Variants in SPAG16 observed in about 807,000 individuals in gnomAD.
SPAG16 encodes sperm-associated antigen 16 protein.
In SPAG16, 86 loss-of-function variants were observed where a neutral mutation model predicts 80.4. That is an observed-to-expected ratio of 1.07 (90% CI 0.90 to 1.28). The LOEUF is 1.28. Ranked by LOEUF, SPAG16 falls within the 50% of genes most tolerant of loss-of-function variation. SPAG16 has a pLI of 0.00. For missense variants in SPAG16, 870 were observed against 765.3 expected (o/e 1.14, Z -1.61); for synonymous variants, 294 against 265.9 (o/e 1.11, Z -1.03).
chr2:213,923,344 C>T (rs2078311290), intron 11 of SPAG16, among the ~76,000 whole-genome samples: 1 of 152,172 alleles, frequency 6.6e-6, no homozygotes, highest in South Asian at 2.1e-4. Context: ...CAGGCAGCGT[C>T]GTGTGCCCTG....
chr2:213,395,039 T>C (rs2067962549), intron 9 of SPAG16, among the ~76,000 whole-genome samples: 1 of 152,198 alleles, frequency 6.6e-6, no homozygotes, highest in Non-Finnish European at 1.5e-5. Context: ...TCTCTTATTA[T>C]TCTTTTAATA....
At chr2:213,985,303 T>C (rs916608432) in intron 12 of SPAG16, among the ~76,000 whole-genome samples, 1 of 152,146 alleles carries the variant, frequency 6.6e-6, no homozygotes, top group African/African-American at 2.4e-5. Flanking sequence ...CTAAAAATAG[T>C]TTGAATTTTT....
chr2:214,371,406 C>T (rs1699804665), intron 15 of SPAG16, among the ~76,000 whole-genome samples: 1 of 151,554 alleles, frequency 6.6e-6, no homozygotes, highest in African/African-American at 2.4e-5. Context: ...GTGGCGCAGG[C>T]CTGTAATCCC....
At chr2:214,300,946 CACA>C (rs1330191388) in intron 15 of SPAG16, among the ~76,000 whole-genome samples, 1 of 150,616 alleles carries the variant, frequency 6.6e-6, no homozygotes, top group African/African-American at 2.4e-5. Context: ...CAGGCAAGGA[CACA>C]ACAACAACAA....
intron 10 of SPAG16, among the ~76,000 whole-genome samples, chr2:213,572,987 A>T (rs1057310269): frequency 6.9e-4 from 105 of 152,076 alleles, no homozygotes; most frequent in Non-Finnish European, 1.1e-3. Flanking sequence ...TTCGGGTGGG[A>T]GTGACCCGAT....
At chr2:213,684,268 T>G (rs1402050397) in intron 10 of SPAG16, among the ~76,000 whole-genome samples, 2 of 152,216 alleles carry the variant, frequency 1.3e-5, no homozygotes, top group African/African-American at 4.8e-5. Context: ...CTTGTGTATG[T>G]GCATATTCAT....
intron 15 of SPAG16, among the ~76,000 whole-genome samples, chr2:214,177,999 ATATATATATATATTC>A: frequency 1.5e-5 from 1 of 64,520 alleles, no homozygotes; most frequent in African/African-American, 3.5e-5. Context: ...ATATATATAT[ATATATATATATATTC>A]ATACTTTATT....
chr2:213,312,864 T>C (rs1233151249), intron 4 of SPAG16, among the ~76,000 whole-genome samples: 1 of 151,820 alleles, frequency 6.6e-6, no homozygotes, highest in Non-Finnish European at 1.5e-5. Context: ...AGTTACAACT[T>C]TCTGGGGATG....
intron 10 of SPAG16, among the ~76,000 whole-genome samples, chr2:213,811,209 G>T (rs562929262): frequency 3.9e-5 from 6 of 152,106 alleles, no homozygotes; most frequent in South Asian, 2.1e-4. Context: ...CATTAAGGTT[G>T]GTGTCTAATG....
chr2:214,145,762 C>T (rs1031793762), intron 14 of SPAG16, among the ~76,000 whole-genome samples: 4 of 151,996 alleles, frequency 2.6e-5, no homozygotes, highest in African/African-American at 4.8e-5. Flanking sequence ...TTTTGGGCTT[C>T]GGCTCAGTTA....
chr2:213,899,161 T>C (rs1321079346), intron 11 of SPAG16, among the ~76,000 whole-genome samples: 1 of 152,110 alleles, frequency 6.6e-6, no homozygotes, highest in Admixed American at 6.6e-5. Context: ...GGATGTGAGC[T>C]GCTTAGAACT....
intron 10 of SPAG16, among the ~76,000 whole-genome samples, chr2:213,586,847 C>T (rs1199500977): frequency 6.6e-6 from 1 of 152,184 alleles, no homozygotes; most frequent in Non-Finnish European, 1.5e-5. Context: ...CCAAGTAAGT[C>T]CAGAATAATA....
chr2:213,504,049 T>G (rs924908869), intron 10 of SPAG16, among the ~76,000 whole-genome samples: 56 of 152,302 alleles, frequency 3.7e-4, no homozygotes, highest in African/African-American at 1.3e-3. Context: ...CTCGTGGCTA[T>G]CTTGTGAGTT....
At chr2:213,755,839 A>T (rs2068300824) in intron 10 of SPAG16, among the ~76,000 whole-genome samples, 2 of 152,226 alleles carry the variant, frequency 1.3e-5, no homozygotes, top group South Asian at 4.1e-4. Flanking sequence ...GTAATAACTC[A>T]AGAAAATAAA....
intron 15 of SPAG16, among the ~76,000 whole-genome samples, chr2:214,286,948 T>C (rs1333900551): frequency 2.6e-5 from 4 of 152,186 alleles, no homozygotes; most frequent in African/African-American, 9.7e-5. Context: ...AAAGACCTTT[T>C]CTAATTATTT....
intron 10 of SPAG16, among the ~76,000 whole-genome samples, chr2:213,535,787 A>G (rs1218995527): frequency 6.6e-6 from 1 of 152,156 alleles, no homozygotes; most frequent in East Asian, 1.9e-4. Flanking sequence ...ACAAATGACT[A>G]CATTCTAACT....
rs555348757 is a variant in SPAG16 at position 213,392,121 on chromosome 2, G to A, written c.942+17002G>A. ...GGTGGTAATTTAAACGTAACCATAT[G>A]CAAATGTGAAAAGGAGAGAAAGGTT... On this transcript the variant is annotated intron_variant, in intron 9 of 15. Transcript: ENST00000331683. Among the ~76,000 whole-genome samples the A allele has an allele frequency of 2.0e-5, 3 of 152,260 alleles. No individual in the cohort carries two copies. The South Asian group carries it at 6.2e-4, about 32-fold the overall frequency.
At chr2:213,691,899 G>A (rs1466142507) in intron 10 of SPAG16, among the ~76,000 whole-genome samples, 1 of 152,162 alleles carries the variant, frequency 6.6e-6, no homozygotes, top group Admixed American at 6.5e-5. Context: ...ATTTGTAAAA[G>A]TAATGAAGAA....
intron 9 of SPAG16, among the ~76,000 whole-genome samples, chr2:213,445,524 T>C (rs1015421388): frequency 2.0e-5 from 3 of 151,878 alleles, no homozygotes; most frequent in Non-Finnish European, 4.4e-5. Context: ...TAGCTGGGCG[T>C]AGTGGTGGGC....
Sources: gnomAD v4.1 joint callset for allele counts (sites outside exome capture counted in the v4.1 genomes callset) on GRCh38, gnomAD v4.1.1 for gene constraint, MANE v1.5 for transcripts, NCBI Gene and HGNC (gene_info 2026-07-23, HGNC 2026-07-21) for gene names.